Variants in SETBP1 observed in about 807,000 individuals in gnomAD.
The protein encoded by SETBP1 is SET binding protein 1, also known as SET-binding protein.
A neutral mutation model predicts 101.0 loss-of-function variants in SETBP1; 9 were observed. That is an observed-to-expected ratio of 0.09 (90% confidence interval 0.05 to 0.16). SETBP1 has a LOEUF of 0.16. Ranked by LOEUF, SETBP1 falls within the 10% of genes least tolerant of loss-of-function variation. The pLI is 1.00. For missense variants in SETBP1, 1,858 were observed against 2,033.8 expected (o/e 0.91, Z 1.66); for synonymous variants, 818 against 788.5 (o/e 1.04, Z -0.63).
chr18:44,927,368 A>T (rs2070728941), intron 3 of SETBP1, among the ~76,000 whole-genome samples: 2 of 152,160 alleles, frequency 1.3e-5, no homozygotes, highest in Non-Finnish European at 1.5e-5. Context: ...AAAATATGTG[A>T]TTCATCTTGT....
chr18:44,826,322 T>C (rs1398331560), intron 2 of SETBP1, among the ~76,000 whole-genome samples: 1 of 152,208 alleles, frequency 6.6e-6, no homozygotes, highest in Non-Finnish European at 1.5e-5. Flanking sequence ...CGTCAGTCCC[T>C]GGCCCTCGCA....
At chr18:45,060,341 A>G (rs2145583244) in intron 5 of SETBP1, among the ~76,000 whole-genome samples, 1 of 152,318 alleles carries the variant, frequency 6.6e-6, no homozygotes, top group East Asian at 1.9e-4. Context: ...GATTATAACA[A>G]TTTACACTCC....
At chr18:44,745,587 C>T (rs1270956446) in intron 2 of SETBP1, among the ~76,000 whole-genome samples, 1 of 152,240 alleles carries the variant, frequency 6.6e-6, no homozygotes, top group Non-Finnish European at 1.5e-5. Context: ...CTATTACTCT[C>T]TAACAATTTT....
At chr18:44,699,407 C>T (rs985909737) in intron 1 of SETBP1, among the ~76,000 whole-genome samples, 6 of 152,132 alleles carry the variant, frequency 3.9e-5, no homozygotes, top group East Asian at 1.9e-4. Context: ...GAGAGGCCTC[C>T]GTAAAGTCAA....
In SETBP1 at chr18:44,869,527, A is replaced by G; in HGVS notation, c.540+244A>G. 6.0e-6 allele frequency: 3 copies of G among 499,298 alleles called. 1 individual carries two copies. The South Asian group carries it at 6.1e-5, about 10-fold the overall frequency. 30.9% of individuals were successfully genotyped at this position (499,298 alleles called of 1,614,324 possible). ...TATTCTATAGGAGAAAAATATATAG[A>G]GATCAAGATGCTCGGAATGTTAAGT... On this transcript the variant is annotated intron_variant, in intron 3 of 5. Coordinates refer to ENST00000649279, the MANE Select transcript of SETBP1 (RefSeq NM_015559.3).
rs1568219275 is a variant in SETBP1, at chr18:44,925,019, T to TG, written c.541-24862_541-24861insG. On this transcript the variant is annotated intron_variant, in intron 3 of 5. Transcript: ENST00000649279. ...TGATCCTGTGTGAGTTTTTTTTTTT[T>TG]TTTTTTTTTTTTTTTTCACGAGAAT... is the stretch of plus-strand genomic sequence containing the variant. 8.3e-5 allele frequency among the ~76,000 whole-genome samples: 12 copies of TG among 144,658 alleles called. 1 individual carries two copies. The East Asian group carries it at 1.8e-3, about 21-fold the overall frequency. The allele number at this position is 144,658 out of a possible 152,430, so 94.9% of individuals were successfully genotyped here. A position where few individuals can be genotyped will look rare whatever the true frequency, so the allele number is the denominator to read the frequency against.
chr18:44,931,885 CTT>C (rs1354792543), intron 3 of SETBP1, among the ~76,000 whole-genome samples: 13 of 152,160 alleles, frequency 8.5e-5, no homozygotes, highest in Non-Finnish European at 1.9e-4. Context: ...GGTCTTGACT[CTT>C]TATCCAATTT....
intron 3 of SETBP1, among the ~76,000 whole-genome samples, chr18:44,895,952 C>T (rs1468812752): frequency 1.3e-5 from 2 of 152,010 alleles, no homozygotes; most frequent in Non-Finnish European, 2.9e-5. Context: ...AAATCATTTC[C>T]CCATGCCCGC....
intron 2 of SETBP1, among the ~76,000 whole-genome samples, chr18:44,816,803 A>G (rs917142343): frequency 5.3e-5 from 8 of 152,154 alleles, no homozygotes; most frequent in Non-Finnish European, 1.0e-4. Context: ...TTTTAAAAAA[A>G]CACCTTTCAA....
intron 5 of SETBP1, among the ~76,000 whole-genome samples, chr18:45,047,046 G>A (rs999687619): frequency 1.3e-5 from 2 of 152,162 alleles, no homozygotes; most frequent in Admixed American, 1.3e-4. Flanking sequence ...TTCTCTGAAT[G>A]CTTCATACAG....
intron 2 of SETBP1, among the ~76,000 whole-genome samples, chr18:44,751,642 A>C (rs1283779677): frequency 6.6e-6 from 1 of 152,166 alleles, no homozygotes; most frequent in Admixed American, 6.5e-5. Context: ...CAGAAACTTG[A>C]AAGGAGGAAC....
intron 2 of SETBP1, among the ~76,000 whole-genome samples, chr18:44,788,170 A>G (rs1237576204): frequency 6.6e-6 from 1 of 152,062 alleles, no homozygotes; most frequent in Non-Finnish European, 1.5e-5. Context: ...CTCCTGGGAA[A>G]AGCCATTCCT....
intron 4 of SETBP1, among the ~76,000 whole-genome samples, chr18:45,004,615 G>A (rs1217085312): frequency 6.6e-6 from 1 of 152,174 alleles, no homozygotes; most frequent in Non-Finnish European, 1.5e-5. Context: ...GATCTAACCT[G>A]GTGCCCACCT....
rs1292237422 is a variant in SETBP1 at position 44,729,967 on chromosome 18, C to A, written c.486+28135C>A. On this transcript the variant is annotated intron_variant, in intron 2 of 5. Coordinates refer to ENST00000649279, the MANE Select transcript of SETBP1 (RefSeq NM_015559.3). The stretch of plus-strand genomic sequence containing the variant: ...AGATCAGAAGCCAGTGAAGAAGATG[C>A]AGAAACTGTCATGTAGACTAATCTT... 6.6e-5 allele frequency among the ~76,000 whole-genome samples: 10 copies of A among 152,142 alleles called. 1 individual carries two copies. The highest frequency in any genetic ancestry group is 3.9e-4 in the Admixed American group (6 of 15,266).
chr18:44,891,538 C>T (rs778959336), intron 3 of SETBP1, among the ~76,000 whole-genome samples: 1 of 152,062 alleles, frequency 6.6e-6, no homozygotes, highest in Non-Finnish European at 1.5e-5. Context: ...GGGCTTTGCA[C>T]CAGCCACAGC....
In SETBP1 at chr18:44,892,660, T is replaced by C. The variant is rs2069798960; in HGVS notation, c.540+23377T>C. On this transcript the variant is annotated intron_variant, in intron 3 of 5. Transcript: ENST00000649279. Reference sequence around the variant, plus strand: ...GACAGCTTTTATTGTTTGGAAATTATTCTGTGTATAGAGTTCAAATATATT... The same window carrying C: ...GACAGCTTTTATTGTTTGGAAATTACTCTGTGTATAGAGTTCAAATATATT... 1.3e-5 allele frequency among the ~76,000 whole-genome samples: 2 copies of C among 152,158 alleles called. 1 individual carries two copies. Among genetic ancestry groups the C allele is most frequent in the South Asian group, 4.1e-4 (2 of 4,832 alleles).
chr18:44,718,254 C>G (rs2069508714), intron 2 of SETBP1, among the ~76,000 whole-genome samples: 1 of 152,172 alleles, frequency 6.6e-6, no homozygotes, highest in Non-Finnish European at 1.5e-5. Flanking sequence ...AGGTGCAGGT[C>G]AGACCCTGGA....
chr18:45,018,408 A>T (rs1308822836), intron 4 of SETBP1, among the ~76,000 whole-genome samples: 1 of 152,192 alleles, frequency 6.6e-6, no homozygotes, highest in Non-Finnish European at 1.5e-5. Flanking sequence ...TTTACCAAAC[A>T]CTGTGTACTT....
chr18:45,051,139 A>C (rs1483849747), intron 5 of SETBP1, among the ~76,000 whole-genome samples: 3 of 152,156 alleles, frequency 2.0e-5, no homozygotes, highest in Non-Finnish European at 4.4e-5. Context: ...TACTCCACGC[A>C]TTGTAACTTG....
Sources: gnomAD v4.1 joint callset for allele counts (sites outside exome capture counted in the v4.1 genomes callset) on GRCh38, gnomAD v4.1.1 for gene constraint, MANE v1.5 for transcripts, NCBI Gene and HGNC (gene_info 2026-07-23, HGNC 2026-07-21) for gene names.